Variants in PHF12 observed in about 807,000 individuals in gnomAD.
The protein encoded by PHF12 is PHD finger protein 12.
A neutral mutation model predicts 99.8 loss-of-function variants in PHF12; 6 were observed. That is an observed-to-expected ratio of 0.06 (90% CI 0.03 to 0.12). The LOEUF is 0.12. Among genes scored for constraint, PHF12 ranks in the 10% least tolerant of loss-of-function variants. The probability of loss-of-function intolerance (pLI) is 1.00; values close to 1 mark genes in which losing one functional copy is unlikely to be tolerated. For missense variants in PHF12, 954 were observed against 1,300.1 expected (o/e 0.73, Z 4.09); for synonymous variants, 480 against 514.9 (o/e 0.93, Z 0.92).
chr17:28,950,363 C>G lies in PHF12; in HGVS notation c.67-117G>C. 1 of 1,165,424 alleles carries G rather than the reference C, an allele frequency of 8.6e-7. No individual in the cohort carries two copies. Among genetic ancestry groups the G allele is most frequent in the Non-Finnish European group, 1.2e-6 (1 of 847,960 alleles). The allele number at this position is 1,165,424 out of a possible 1,614,324, so 72.2% of individuals were successfully genotyped here. ...CTCCCCCCTTTTGTCCTTCTTCCTC[C>G]CATCCAGGCTGCTCCCAGAATCTCT... On this transcript the variant is annotated intron_variant, in intron 1 of 14. Coordinates refer to ENST00000332830, the MANE Select transcript of PHF12 (RefSeq NM_001033561.2). This position sits in a 1 kb window ranked among gnomAD's most constrained non-coding sequence, Gnocchi z 5.7.
chr17:28,928,574 A>C (rs2040328717), intron 2 of PHF12, among the ~76,000 whole-genome samples: 1 of 151,998 alleles, frequency 6.6e-6, no homozygotes, highest in African/African-American at 2.4e-5. Flanking sequence ...CTGAGATTGG[A>C]AGTTCAAGAC....
chr17:28,941,277 G>C (rs140899787), intron 2 of PHF12, among the ~76,000 whole-genome samples: 167 of 152,216 alleles, frequency 1.1e-3, no homozygotes, highest in African/African-American at 3.9e-3. Context: ...AAAGCCCAGA[G>C]TATTAATCTA....
In PHF12 at chr17:28,913,100, G is replaced by A. The variant is rs763047152; in HGVS notation, c.1471C>T (p.His491Tyr). 6.2e-7 allele frequency: 1 copy of A among 1,614,198 alleles called. No individual in the cohort carries two copies. Among genetic ancestry groups the A allele is most frequent in the South Asian group, 1.1e-5 (1 of 91,082 alleles). ...QTADKTPTPS[H>Y]YPLSCPSGIS... ...CCTGAGGGGCAGGACAAGGGGTAGT[G>A]GGAAGGTGTAGGTGTCTTGTCAGCT... Residue 491 changes from histidine to tyrosine, a missense_variant, in exon 9 of 15, where the codon CAC becomes TAC. Coordinates refer to ENST00000332830, the MANE Select transcript of PHF12 (RefSeq NM_001033561.2).
At chr17:28,931,225 C>A (rs1252201169) in intron 2 of PHF12, among the ~76,000 whole-genome samples, 1 of 149,296 alleles carries the variant, frequency 6.7e-6, no homozygotes, top group Non-Finnish European at 1.5e-5. Flanking sequence ...CAGATGAAGA[C>A]AAAACATTTA....
In PHF12 at chr17:28,949,904, C is replaced by T; in HGVS notation, c.248+161G>A. ...TCCTCCCCGCTAAACTGCCAGAACCCGGCGGACACCTGGGGGCGGGGAGGT... is the reference window on the plus strand; with the variant it reads ...TCCTCCCCGCTAAACTGCCAGAACCTGGCGGACACCTGGGGGCGGGGAGGT... On this transcript the variant is annotated intron_variant, in intron 2 of 14. Transcript: ENST00000332830. The surrounding 1 kb of genome is among the most constrained non-coding windows in gnomAD (Gnocchi z 4.6). 1 of 799,002 alleles carries T rather than the reference C, an allele frequency of 1.3e-6. No individual in the cohort carries two copies. The highest frequency in any genetic ancestry group is 2.8e-5 in the East Asian group (1 of 35,664). 49.5% of individuals were successfully genotyped at this position (799,002 alleles called of 1,614,324 possible).
chr17:28,931,251 C>A (rs908527302), intron 2 of PHF12, among the ~76,000 whole-genome samples: 8 of 131,202 alleles, frequency 6.1e-5, no homozygotes, highest in Middle Eastern at 3.6e-3. Context: ...CTGAGGCCAT[C>A]ATTCCTTTTT....
chr17:28,932,218 AC>A (rs2040425819), intron 2 of PHF12, among the ~76,000 whole-genome samples: 1 of 151,226 alleles, frequency 6.6e-6, no homozygotes, highest in Admixed American at 6.6e-5. Flanking sequence ...TGAAGCCTTG[AC>A]CCCCTAGGCT....
intron 4 of PHF12, 137 bp from the exon 5 acceptor site, chr17:28,921,945 CT>C (rs2040174645): frequency 3.4e-6 from 4 of 1,188,834 alleles, no homozygotes; most frequent in Non-Finnish European, 4.6e-6. Context: ...TCTGAGGCCC[CT>C]GGGGTTGATT....
Position 28,950,717 on chromosome 17 carries a change from T to G in PHF12, c.66+178A>C. 1 of 875,644 alleles carries G rather than the reference T, an allele frequency of 1.1e-6. No individual in the cohort carries two copies. Among genetic ancestry groups the G allele is most frequent in the Non-Finnish European group, 1.6e-6 (1 of 620,692 alleles). The allele number at this position is 875,644 out of a possible 1,614,324, so 54.2% of individuals were successfully genotyped here. Reference sequence around the variant, plus strand: ...CGGGTAGGTGAAACTGCTGCAAACGTCCTCGGAGGCTGAGCTCAGCCCCCT... The same window carrying G: ...CGGGTAGGTGAAACTGCTGCAAACGGCCTCGGAGGCTGAGCTCAGCCCCCT... On this transcript the variant is annotated intron_variant, in intron 1 of 14. Coordinates refer to ENST00000332830, the MANE Select transcript of PHF12 (RefSeq NM_001033561.2). This position sits in a 1 kb window ranked among gnomAD's most constrained non-coding sequence, Gnocchi z 5.7.
At position 28,907,580 on chromosome 17, in the gene PHF12, C is replaced by A; in HGVS notation, c.2541+10G>T. On this transcript the variant is annotated intron_variant, in intron 13 of 14. Transcript: ENST00000332830. ...GGAAAGCTCCCTCCCACCGCATCTC[C>A]GGCCCTCACCTCATCGTAGAATATG... 1 of 1,613,684 alleles carries A rather than the reference C, an allele frequency of 6.2e-7. No individual in the cohort carries two copies. Among genetic ancestry groups the A allele is most frequent in the Non-Finnish European group, 8.5e-7 (1 of 1,179,720 alleles).
rs1198515360 is a variant in PHF12 at position 28,915,580 on chromosome 17, G to A, written c.1135-1543C>T. On this transcript the variant is annotated intron_variant, in intron 7 of 14. Coordinates refer to ENST00000332830, the MANE Select transcript of PHF12 (RefSeq NM_001033561.2). ...GGGCTTTCTGAGATCACCCAGGAAT[G>A]AGAGGAGGAGGAATAAACAGTGGAC... 3.9e-5 allele frequency among the ~76,000 whole-genome samples: 6 copies of A among 152,276 alleles called. No homozygotes were observed. In the South Asian group the frequency reaches 6.2e-4, roughly 16 times the overall value.
chr17:28,906,732 C>A lies in PHF12; in HGVS notation c.2680+124G>T. 1 of 1,419,378 alleles carries A rather than the reference C, an allele frequency of 7.0e-7. No homozygotes were observed. The highest frequency in any genetic ancestry group is 2.3e-5 in the East Asian group (1 of 43,296). 87.9% of individuals were successfully genotyped at this position (1,419,378 alleles called of 1,614,324 possible). A position where few individuals can be genotyped will look rare whatever the true frequency, so the allele number is the denominator to read the frequency against. ...TTGCTTCTCTGTGGCCTGCCCTGGG[C>A]CCACGAGGAAGTAGAGCTTGGCCAA... On this transcript the variant is annotated intron_variant, in intron 14 of 14. Coordinates refer to ENST00000332830, the MANE Select transcript of PHF12 (RefSeq NM_001033561.2). The surrounding 1 kb of genome is among the most constrained non-coding windows in gnomAD (Gnocchi z 4.2).
Position 28,949,729 on chromosome 17 carries a change from G to A in PHF12, c.248+336C>T, listed in dbSNP as rs979554822. 1.6e-4 allele frequency: 33 copies of A among 207,908 alleles called. No individual in the cohort carries two copies. The highest frequency in any genetic ancestry group is 2.8e-4 in the Non-Finnish European group (29 of 104,162). The allele number at this position is 207,908 out of a possible 1,614,324, so 12.9% of individuals were successfully genotyped here. The stretch of plus-strand genomic sequence containing the variant: ...CAGCGGGCGCGCGGGCAGGCAAGCG[G>A]CACTGGGCCCGGAGCTCCTCCCCTT... On this transcript the variant is annotated intron_variant, in intron 2 of 14. Coordinates refer to ENST00000332830, the MANE Select transcript of PHF12 (RefSeq NM_001033561.2). This position sits in a 1 kb window ranked among gnomAD's most constrained non-coding sequence, Gnocchi z 4.6.
intron 7 of PHF12, among the ~76,000 whole-genome samples, chr17:28,914,671 CAAAAAAAAAA>C (rs61203588): frequency 4.0e-4 from 12 of 30,326 alleles, no homozygotes; most frequent in African/African-American, 5.7e-4. Flanking sequence ...GACTCCGTCT[CAAAAAAAAAA>C]AAAAAAAAAA....
At chr17:28,929,018 C>T (rs1039477491) in intron 2 of PHF12, among the ~76,000 whole-genome samples, 5 of 151,734 alleles carry the variant, frequency 3.3e-5, no homozygotes, top group African/African-American at 9.7e-5. Context: ...ATCGCTTGAA[C>T]CTGGGAAGTG....
rs2040782749 is a variant in PHF12 at position 28,950,145 on chromosome 17, G to A, written c.168C>T (p.His56=). 1 of 1,613,910 alleles carries A rather than the reference G, an allele frequency of 6.2e-7. No homozygotes were observed. The highest frequency in any genetic ancestry group is 1.7e-5 in the Admixed American group (1 of 60,008). Residue 56 remains histidine, a synonymous_variant, in exon 2 of 15, where the codon CAC becomes CAT. Coordinates refer to ENST00000332830, the MANE Select transcript of PHF12 (RefSeq NM_001033561.2). This position sits in a 1 kb window ranked among gnomAD's most constrained non-coding sequence, Gnocchi z 5.7. The part of the protein sequence containing the change: ...EPRRSGRATN[H]DSCDSCKEGG... ...CTTCCTTGCAGCTATCGCAGCTGTC[G>A]TGGTTGGTGGCCCTGCCGCTTCTCC...
At chr17:28,926,469 T>G (rs926888776) in intron 3 of PHF12, 1 of 251,268 alleles carries the variant, frequency 4.0e-6, no homozygotes, top group African/African-American at 2.3e-5. Context: ...CCACAAGAGT[T>G]CTCAAAGTAG....
In PHF12 at chr17:28,949,074, G is replaced by T. The variant is rs2040763634; in HGVS notation, c.248+991C>A. On this transcript the variant is annotated intron_variant, in intron 2 of 14. Transcript: ENST00000332830. This position sits in a 1 kb window ranked among gnomAD's most constrained non-coding sequence, Gnocchi z 4.6. ...ACTCAGGTCCCTCCCTCTCGGTTCG[G>T]TCTCTCCCCTCCTCTCATGTCCAGT... Among the ~76,000 whole-genome samples the T allele has an allele frequency of 6.6e-6, 1 of 152,110 alleles. No individual in the cohort carries two copies. The highest frequency in any genetic ancestry group is 6.5e-5 in the Admixed American group (1 of 15,274).
chr17:28,913,806 G>A, intron 8 of PHF12, 73 bp downstream of exon 8: 1 of 1,539,914 alleles, frequency 6.5e-7, no homozygotes, highest in Non-Finnish European at 8.8e-7. Context: ...TGACACTGAG[G>A]CTACTTCTGA....
Sources: gnomAD v4.1 joint callset for allele counts (sites outside exome capture counted in the v4.1 genomes callset) on GRCh38, gnomAD v4.1.1 for gene constraint, Gnocchi (gnomAD v3.1) non-coding constraint, MANE v1.5 for transcripts, NCBI Gene and HGNC (gene_info 2026-07-23, HGNC 2026-07-21) for gene names.